CTNNA3: variants seen among roughly 807,000 people sequenced by gnomAD.
CTNNA3 encodes the protein catenin alpha 3.
In CTNNA3, 76 loss-of-function variants were observed where a neutral mutation model predicts 95.7. That is an observed-to-expected ratio of 0.79 (90% CI 0.66 to 0.96). CTNNA3 has a LOEUF of 0.96. CTNNA3 is among the 40% of genes least tolerant of loss of function. CTNNA3 has a pLI of 0.00. For synonymous variants in CTNNA3, 431 were observed against 374.4 expected, an observed-to-expected ratio of 1.15 and a Z score of -1.74; for missense variants, 1,191 against 1,089.8, an observed-to-expected ratio of 1.09 and a Z score of -1.31.
intron 9 of CTNNA3, among the ~76,000 whole-genome samples, chr10:66,643,509 C>G (rs1845586963): frequency 1.3e-5 from 2 of 152,122 alleles, no homozygotes; most frequent in South Asian, 2.1e-4. Context: ...CTTCTTATTT[C>G]TAGTAGAGTT....
intron 13 of CTNNA3, among the ~76,000 whole-genome samples, chr10:66,207,709 TA>T (rs2131938947): frequency 6.6e-6 from 1 of 152,170 alleles, no homozygotes; most frequent in East Asian, 1.9e-4. Context: ...ATTTTACTGA[TA>T]GCTTATAAAT....
intron 11 of CTNNA3, among the ~76,000 whole-genome samples, chr10:66,382,366 C>G (rs2092847688): frequency 6.6e-6 from 1 of 152,148 alleles, no homozygotes; most frequent in African/African-American, 2.4e-5. Context: ...GAGGCGGCAG[C>G]CTGGCTGGGG....
intron 7 of CTNNA3, among the ~76,000 whole-genome samples, chr10:67,038,766 G>T (rs374373168): frequency 6.6e-6 from 1 of 151,882 alleles, no homozygotes; most frequent in Non-Finnish European, 1.5e-5. Flanking sequence ...TTCAATATGA[G>T]ATATTTTTTA....
At chr10:66,436,027 G>C (rs902057129) in intron 11 of CTNNA3, among the ~76,000 whole-genome samples, 2 of 152,212 alleles carry the variant, frequency 1.3e-5, no homozygotes, top group African/African-American at 4.8e-5. Context: ...TGATTGCACT[G>C]TGGTCTGAGA....
At chr10:67,692,358 G>A (rs1444409673) in intron 1 of CTNNA3, among the ~76,000 whole-genome samples, 44 of 145,484 alleles carry the variant, frequency 3.0e-4, no homozygotes, top group African/African-American at 9.2e-4. Context: ...TGTAGAAAGA[G>A]GTAGACATGG....
At chr10:67,248,461 C>G (rs1315701233) in intron 5 of CTNNA3, among the ~76,000 whole-genome samples, 1 of 78 alleles carries the variant, frequency 0.013, no homozygotes, top group Admixed American at 0.1. Flanking sequence ...AGTCACTAGG[C>G]TGGAGTGCAG....
chr10:65,931,253 G>C (rs906619841), intron 17 of CTNNA3, among the ~76,000 whole-genome samples: 2 of 152,092 alleles, frequency 1.3e-5, no homozygotes, highest in Non-Finnish European at 2.9e-5. Context: ...CAGTTTTCAG[G>C]GCTCTTGTGT....
At chr10:66,284,050 A>G (rs1385856473) in intron 12 of CTNNA3, among the ~76,000 whole-genome samples, 3 of 152,056 alleles carry the variant, frequency 2.0e-5, no homozygotes, top group South Asian at 2.1e-4. Context: ...AATGCCAGGT[A>G]GGATAAGCTG....
rs892407594 is a variant in CTNNA3, at chr10:66,335,544, G to A, written c.1732+43608C>T. Among the ~76,000 whole-genome samples the A allele has an allele frequency of 7.9e-5, 12 of 152,046 alleles. 1 individual carries two copies. Among genetic ancestry groups the A allele is most frequent in the Non-Finnish European group, 1.3e-4 (9 of 67,964 alleles). On this transcript the variant is annotated intron_variant, in intron 12 of 17. Coordinates refer to ENST00000433211, the MANE Select transcript of CTNNA3 (RefSeq NM_013266.4). ...TCAGCAGCAGAAGCTGCAGAACAGT[G>A]GATATTGGTGAACAGCAAATGTTGC...
chr10:66,583,694 C>T (rs2221565), intron 10 of CTNNA3, among the ~76,000 whole-genome samples: 101,593 of 150,932 alleles, frequency 0.67, 35,546 homozygotes, highest in Non-Finnish European at 0.78. Context: ...CTGCTCTGAT[C>T]TTTATTATTC....
chr10:66,750,783 A>G (rs943870889), intron 9 of CTNNA3, among the ~76,000 whole-genome samples: 2 of 152,196 alleles, frequency 1.3e-5, no homozygotes, highest in Admixed American at 1.3e-4. Flanking sequence ...GATTGCATTG[A>G]ATCTATAAAG....
At chr10:66,588,102 C>A (rs1431177717) in intron 10 of CTNNA3, among the ~76,000 whole-genome samples, 1 of 152,058 alleles carries the variant, frequency 6.6e-6, no homozygotes. Context: ...TGTGAAAGTG[C>A]AGGCAATGTG....
In CTNNA3 at chr10:67,725,182, T is replaced by C. The variant is rs553694848; in HGVS notation, c.-2+38252A>G. ...TAGTATTAATTTATTAATTTACCTTTTTTTTTTTTTTGAGACGGGAGTCTC... is the reference window on the plus strand; with the variant it reads ...TAGTATTAATTTATTAATTTACCTTCTTTTTTTTTTTGAGACGGGAGTCTC... On this transcript the variant is annotated intron_variant, in intron 1 of 17. Transcript: ENST00000684154. Among the ~76,000 whole-genome samples the C allele has an allele frequency of 1.4e-3, 210 of 150,508 alleles. 1 individual carries two copies. Among genetic ancestry groups the C allele is most frequent in the Non-Finnish European group, 1.9e-3 (131 of 67,406 alleles).
intron 1 of CTNNA3, among the ~76,000 whole-genome samples, chr10:67,747,754 G>A (rs1159063296): frequency 1.3e-5 from 2 of 152,182 alleles, no homozygotes; most frequent in Non-Finnish European, 2.9e-5. Context: ...CTGGGCAGAG[G>A]CTGAGATGGA....
At chr10:67,314,861 G>C (rs1187393114) in intron 5 of CTNNA3, among the ~76,000 whole-genome samples, 1 of 152,162 alleles carries the variant, frequency 6.6e-6, no homozygotes, top group African/African-American at 2.4e-5. Flanking sequence ...AGGTTTATCA[G>C]TAGTTTGCCT....
At chr10:66,585,681 T>C (rs1388433415) in intron 10 of CTNNA3, among the ~76,000 whole-genome samples, 1 of 152,032 alleles carries the variant, frequency 6.6e-6, no homozygotes, top group African/African-American at 2.4e-5. Flanking sequence ...GTATTTTATG[T>C]TGGTTTTCAA....
chr10:66,866,322 T>C lies in CTNNA3; in HGVS notation c.1048-90798A>G, dbSNP rs1236633135. 3.9e-5 allele frequency among the ~76,000 whole-genome samples: 6 copies of C among 152,342 alleles called. No individual in the cohort carries two copies. In the East Asian group the frequency reaches 7.7e-4, roughly 20 times the overall value. On this transcript the variant is annotated intron_variant, in intron 7 of 17. Transcript: ENST00000433211. ...TTTGTTTTTTATCTTCTTCCCTTGA[T>C]TGTGAGATCTCTGAAGAAAGAGATT...
At chr10:66,174,072 A>G (rs947324265) in intron 13 of CTNNA3, among the ~76,000 whole-genome samples, 1 of 152,190 alleles carries the variant, frequency 6.6e-6, no homozygotes. Flanking sequence ...TACCCACTAC[A>G]GTCCTGTGAC....
chr10:67,216,984 G>A (rs1800122373), intron 6 of CTNNA3, among the ~76,000 whole-genome samples: 1 of 152,146 alleles, frequency 6.6e-6, no homozygotes, highest in Non-Finnish European at 1.5e-5. Flanking sequence ...AGCCAGTATA[G>A]TGTTCCAATT....
Sources: allele counts gnomAD v4.1 joint callset (sites outside exome capture counted in the v4.1 genomes callset), GRCh38; gene constraint gnomAD v4.1.1; transcripts MANE v1.5; gene names NCBI Gene and HGNC (gene_info 2026-07-23, HGNC 2026-07-21).